LRRC4C: variants seen among roughly 807,000 people sequenced by gnomAD.
The protein encoded by LRRC4C is leucine-rich repeat-containing protein 4C.
LRRC4C carries 5 observed loss-of-function variants against 33.6 expected under a neutral mutation model. The ratio of observed to expected loss-of-function variants is 0.15; its 90% CI spans 0.08 to 0.31. The LOEUF (loss-of-function observed/expected upper bound fraction) is 0.31. Ranked by LOEUF, LRRC4C falls within the 10% of genes least tolerant of loss-of-function variation. The pLI, the probability that LRRC4C is intolerant of heterozygous loss-of-function variation, is 1.00. For synonymous variants in LRRC4C, 329 were observed against 302.0 expected, an observed-to-expected ratio of 1.09 and a Z score of -0.93; for missense variants, 560 against 796.7, an observed-to-expected ratio of 0.70 and a Z score of 3.58.
In LRRC4C at chr11:41,126,044, G is replaced by A. The variant is rs145972714; in HGVS notation, c.-495-192321C>T. Among the ~76,000 whole-genome samples, 335 of 152,038 alleles carry A rather than the reference G, an allele frequency of 2.2e-3. 1 individual carries two copies. The highest frequency in any genetic ancestry group is 7.5e-3 in the African/African-American group (313 of 41,468). Reference sequence around the variant, plus strand: ...TAGAGAAACTAAAAAAAATAACCAAGTACTACTTAATTAGTAATTTTAAAA... The same window carrying A: ...TAGAGAAACTAAAAAAAATAACCAAATACTACTTAATTAGTAATTTTAAAA... On this transcript the variant is annotated intron_variant, in intron 1 of 6. Coordinates refer to ENST00000528697, the MANE Select transcript of LRRC4C (RefSeq NM_001258419.2).
chr11:40,687,317 T>C (rs920808920), intron 2 of LRRC4C, among the ~76,000 whole-genome samples: 6 of 152,102 alleles, frequency 3.9e-5, no homozygotes, highest in African/African-American at 1.4e-4. Context: ...CAAGTCCAAA[T>C]AAAAATATCA....
At chr11:41,314,974 G>A (rs1950745010) in intron 1 of LRRC4C, among the ~76,000 whole-genome samples, 1 of 152,022 alleles carries the variant, frequency 6.6e-6, no homozygotes, top group Non-Finnish European at 1.5e-5. Context: ...GACTGATCTT[G>A]AGCAAACCAT....
intron 3 of LRRC4C, among the ~76,000 whole-genome samples, chr11:40,432,298 C>G (rs1449366708): frequency 6.6e-6 from 1 of 152,122 alleles, no homozygotes; most frequent in Non-Finnish European, 1.5e-5. Context: ...CCATCATCTT[C>G]TTGAAATCCC....
At chr11:41,326,179 G>A (rs1462977740) in intron 1 of LRRC4C, among the ~76,000 whole-genome samples, 1 of 152,120 alleles carries the variant, frequency 6.6e-6, no homozygotes, top group Non-Finnish European at 1.5e-5. Flanking sequence ...GGCAGAAGAA[G>A]ATGAAAAGAG....
chr11:40,261,653 A>T (rs1941840425), intron 4 of LRRC4C, among the ~76,000 whole-genome samples: 1 of 152,194 alleles, frequency 6.6e-6, no homozygotes, highest in Non-Finnish European at 1.5e-5. Flanking sequence ...AAAATAGTCC[A>T]TCATCCCATA....
intron 1 of LRRC4C, among the ~76,000 whole-genome samples, chr11:40,993,461 G>A (rs1457800248): frequency 1.3e-5 from 2 of 151,984 alleles, no homozygotes; most frequent in Non-Finnish European, 2.9e-5. Flanking sequence ...AAAAACACCC[G>A]CTGAAGTCAT....
chr11:41,229,846 G>A (rs1007524028), intron 1 of LRRC4C, among the ~76,000 whole-genome samples: 1 of 151,954 alleles, frequency 6.6e-6, no homozygotes, highest in Non-Finnish European at 1.5e-5. Context: ...TTTGATTACT[G>A]ATCTTACCTT....
chr11:41,162,431 C>T (rs1398677711), intron 1 of LRRC4C, among the ~76,000 whole-genome samples: 2 of 152,190 alleles, frequency 1.3e-5, no homozygotes, highest in Non-Finnish European at 2.9e-5. Context: ...AGCCACGCAT[C>T]ATTTAATGAC....
chr11:40,610,357 A>G (rs1961081901), intron 3 of LRRC4C, among the ~76,000 whole-genome samples: 2 of 151,914 alleles, frequency 1.3e-5, no homozygotes, highest in South Asian at 4.1e-4. Flanking sequence ...TAGGAATAGA[A>G]TAATATTACC....
chr11:40,957,378 C>G (rs1959003427), intron 1 of LRRC4C, among the ~76,000 whole-genome samples: 1 of 151,678 alleles, frequency 6.6e-6, no homozygotes, highest in Admixed American at 6.6e-5. Context: ...CCAACTCTTA[C>G]TAAGTTTATC....
chr11:40,912,220 G>T (rs1956731669), intron 2 of LRRC4C, among the ~76,000 whole-genome samples: 1 of 152,054 alleles, frequency 6.6e-6, no homozygotes, highest in Non-Finnish European at 1.5e-5. Context: ...TCCTTGAGAA[G>T]AGCAACTCCA....
At chr11:40,977,204 T>C (rs1852148212) in intron 1 of LRRC4C, among the ~76,000 whole-genome samples, 1 of 152,004 alleles carries the variant, frequency 6.6e-6, no homozygotes, top group Non-Finnish European at 1.5e-5. Context: ...AGACTGTAAA[T>C]ATAGATGAAG....
At chr11:40,252,066 A>G (rs1424717615) in intron 4 of LRRC4C, among the ~76,000 whole-genome samples, 1 of 152,138 alleles carries the variant, frequency 6.6e-6, no homozygotes, top group East Asian at 1.9e-4. Context: ...GGCTTTGATG[A>G]CATGATTCAG....
chr11:40,201,281 A>C (rs1424812313), intron 5 of LRRC4C, among the ~76,000 whole-genome samples: 1 of 152,142 alleles, frequency 6.6e-6, no homozygotes, highest in Non-Finnish European at 1.5e-5. Context: ...ATATTTCATC[A>C]ATCTATGGAT....
chr11:40,231,474 C>CTATG (rs5791364), intron 5 of LRRC4C, among the ~76,000 whole-genome samples: 1 of 151,676 alleles, frequency 6.6e-6, no homozygotes, highest in Non-Finnish European at 1.5e-5. Flanking sequence ...TTATAATAAA[C>CTATG]TAGTCAATAT....
chr11:41,028,463 TTTCA>T (rs1856520240), intron 1 of LRRC4C, among the ~76,000 whole-genome samples: 1 of 151,604 alleles, frequency 6.6e-6, no homozygotes, highest in South Asian at 2.1e-4. Flanking sequence ...ATTATTGCAA[TTTCA>T]TTTTCTCTTG....
chr11:40,266,662 A>G (rs1165754416), intron 4 of LRRC4C, among the ~76,000 whole-genome samples: 2 of 152,200 alleles, frequency 1.3e-5, no homozygotes, highest in Admixed American at 1.3e-4. Flanking sequence ...AAGAAGGCAC[A>G]GACATTTGTT....
intron 2 of LRRC4C, among the ~76,000 whole-genome samples, chr11:40,705,377 G>A (rs1946105341): frequency 6.6e-6 from 1 of 151,690 alleles, no homozygotes; most frequent in Non-Finnish European, 1.5e-5. Context: ...CCACGACAGG[G>A]CCGGGTGTGT....
At chr11:40,367,325 C>T (rs560614938) in intron 3 of LRRC4C, among the ~76,000 whole-genome samples, 6 of 152,040 alleles carry the variant, frequency 3.9e-5, no homozygotes, top group Non-Finnish European at 8.8e-5. Context: ...AGTTCAAATA[C>T]ACTCATTTTC....
Sources: gnomAD v4.1 joint callset for allele counts (sites outside exome capture counted in the v4.1 genomes callset) on GRCh38, gnomAD v4.1.1 for gene constraint, MANE v1.5 for transcripts, NCBI Gene and HGNC (gene_info 2026-07-23, HGNC 2026-07-21) for gene names.